Variants in PALLD observed in about 807,000 individuals in gnomAD.
PALLD encodes the protein palladin, cytoskeletal associated protein, also known as palladin.
Under a neutral mutation model 123.5 loss-of-function variants are expected in PALLD, and 61 were observed. The ratio of observed to expected loss-of-function variants is 0.49; its 90% CI spans 0.40 to 0.61. The LOEUF is 0.61. Among genes scored for constraint, PALLD ranks in the 20% least tolerant of loss-of-function variants. The probability of loss-of-function intolerance (pLI) is 0.00; values close to 1 mark genes in which losing one functional copy is unlikely to be tolerated. For synonymous variants in PALLD, 465 were observed against 496.4 expected (o/e 0.94, Z 0.84); for missense variants, 1,273 against 1,377.0 (o/e 0.92, Z 1.20).
In PALLD at chr4:168,878,290, C is replaced by T; in HGVS notation, c.1965-12632C>T. 3 of 1,527,246 alleles carry T rather than the reference C, an allele frequency of 2.0e-6. No homozygotes were observed. Among genetic ancestry groups the T allele is most frequent in the Non-Finnish European group, 1.7e-6 (2 of 1,143,856 alleles). The allele number at this position is 1,527,246 out of a possible 1,614,324, so 94.6% of individuals were successfully genotyped here. A position where few individuals can be genotyped will look rare whatever the true frequency, so the allele number is the denominator to read the frequency against. ...ACTGCTCGTCGCCTGCCACCCGCTT[C>T]GGCCACAGCCAGACGCCCGCGGCCT... On this transcript the variant is annotated intron_variant, in intron 10 of 21. Transcript: ENST00000505667.
intron 3 of PALLD, among the ~76,000 whole-genome samples, chr4:168,672,608 G>A (rs1274454065): frequency 1.1e-4 from 16 of 152,040 alleles, no homozygotes; most frequent in African/African-American, 3.1e-4. Flanking sequence ...ACAGGCGCCT[G>A]CCACCACGCC....
chr4:168,509,125 A>C (rs969005084), intron 1 of PALLD, among the ~76,000 whole-genome samples: 16 of 152,290 alleles, frequency 1.1e-4, no homozygotes, highest in Admixed American at 4.6e-4. Context: ...CAACTCTGTA[A>C]GTTGGAAAAA....
At chr4:168,779,494 T>A (rs1735598710) in intron 10 of PALLD, among the ~76,000 whole-genome samples, 1 of 150,816 alleles carries the variant, frequency 6.6e-6, no homozygotes, top group Non-Finnish European at 1.5e-5. Context: ...CATATATATA[T>A]AAAAAATCAT....
At chr4:168,756,410 G>T in intron 10 of PALLD, 1 of 178,256 alleles carries the variant, frequency 5.6e-6, no homozygotes, top group South Asian at 1.2e-4. Context: ...TACAGCTACA[G>T]AAACAAGATG....
At chr4:168,588,702 C>T (rs917642360) in intron 2 of PALLD, among the ~76,000 whole-genome samples, 2 of 152,302 alleles carry the variant, frequency 1.3e-5, no homozygotes, top group South Asian at 4.1e-4. Flanking sequence ...CCTACCGTGC[C>T]TGGCTGAGTG....
chr4:168,905,334 G>A (rs1757483100), intron 15 of PALLD, among the ~76,000 whole-genome samples: 1 of 151,042 alleles, frequency 6.6e-6, no homozygotes, highest in Non-Finnish European at 1.5e-5. Flanking sequence ...ATTTTTAGTA[G>A]AGATGGGGTT....
chr4:168,875,202 G>GA (rs914437042), intron 10 of PALLD, among the ~76,000 whole-genome samples: 51 of 147,848 alleles, frequency 3.4e-4, no homozygotes, highest in African/African-American at 6.7e-4. Flanking sequence ...AAAGACAGCA[G>GA]AAAAAAAAAC....
chr4:168,676,061 TA>T (rs947915888), intron 3 of PALLD, among the ~76,000 whole-genome samples: 1 of 152,020 alleles, frequency 6.6e-6, no homozygotes, highest in African/African-American at 2.4e-5. Context: ...TCTCAAAAAA[TA>T]AAAATAAAAA....
chr4:168,679,654 A>G (rs1006555734), intron 3 of PALLD, among the ~76,000 whole-genome samples: 1 of 151,450 alleles, frequency 6.6e-6, no homozygotes, highest in Non-Finnish European at 1.5e-5. Context: ...TTAAGGTTAC[A>G]TGACTTGGAA....
chr4:168,528,958 T>C (rs1279725320), intron 2 of PALLD, among the ~76,000 whole-genome samples: 1 of 152,100 alleles, frequency 6.6e-6, no homozygotes, highest in Non-Finnish European at 1.5e-5. Flanking sequence ...GGGTTACAGT[T>C]TGAATTAGGA....
intron 2 of PALLD, among the ~76,000 whole-genome samples, chr4:168,623,774 G>A (rs1195117962): frequency 6.6e-6 from 1 of 152,134 alleles, no homozygotes; most frequent in African/African-American, 2.4e-5. Flanking sequence ...ACTTTGTAAT[G>A]CTAAATAGTG....
At chr4:168,922,653 G>C (rs1457014606) in intron 18 of PALLD, among the ~76,000 whole-genome samples, 1 of 152,186 alleles carries the variant, frequency 6.6e-6, no homozygotes, top group Non-Finnish European at 1.5e-5. Flanking sequence ...GTACCAAGAT[G>C]TTTTCACATA....
intron 10 of PALLD, among the ~76,000 whole-genome samples, chr4:168,746,639 G>A (rs1403932247): frequency 3.9e-5 from 6 of 151,986 alleles, no homozygotes; most frequent in South Asian, 2.1e-4. Flanking sequence ...TTCCCTGGGC[G>A]GAAAAAATTA....
chr4:168,502,979 G>A (rs1370671627), intron 1 of PALLD, among the ~76,000 whole-genome samples: 2 of 152,180 alleles, frequency 1.3e-5, no homozygotes, highest in African/African-American at 4.8e-5. Context: ...GAGGCTGAAA[G>A]CAAATCAGTC....
chr4:168,857,451 G>A (rs1581784818), intron 10 of PALLD, among the ~76,000 whole-genome samples: 2 of 152,272 alleles, frequency 1.3e-5, no homozygotes, highest in East Asian at 3.9e-4. Flanking sequence ...TGAAAGAAAG[G>A]TGAAACACCA....
intron 10 of PALLD, among the ~76,000 whole-genome samples, chr4:168,827,855 C>T (rs1743628530): frequency 6.6e-6 from 1 of 152,200 alleles, no homozygotes; most frequent in Non-Finnish European, 1.5e-5. Context: ...GTCTGGCCCA[C>T]ATAGTGAAAC....
At chr4:168,731,150 G>C (rs1581184410) in intron 10 of PALLD, among the ~76,000 whole-genome samples, 1 of 152,066 alleles carries the variant, frequency 6.6e-6, no homozygotes, top group East Asian at 1.9e-4. Flanking sequence ...TAGGCACTTG[G>C]GTTTTCCTCT....
chr4:168,653,635 A>G (rs1327572291), intron 2 of PALLD, among the ~76,000 whole-genome samples: 1 of 152,170 alleles, frequency 6.6e-6, no homozygotes, highest in Non-Finnish European at 1.5e-5. Flanking sequence ...CCACAAGACA[A>G]CCTTTGAGTA....
intron 2 of PALLD, chr4:168,648,703 A>G (rs541968858): frequency 6.6e-6 from 1 of 152,338 alleles, no homozygotes; most frequent in South Asian, 2.1e-4. Flanking sequence ...GGAAGGCACT[A>G]TTGTTGCATC....
Sources: allele counts gnomAD v4.1 joint callset (sites outside exome capture counted in the v4.1 genomes callset), GRCh38; gene constraint gnomAD v4.1.1; transcripts MANE v1.5; gene names NCBI Gene and HGNC (gene_info 2026-07-23, HGNC 2026-07-21).